The following SH3BGRL2 variants were observed in gnomAD, a reference collection of about 807,000 sequenced individuals.
SH3BGRL2 encodes the protein SH3 domain binding glutamate rich protein like 2.
Under a neutral mutation model 14.8 loss-of-function variants are expected in SH3BGRL2, and 21 were observed. The observed-to-expected ratio is 1.42, with a 90% CI of 1.01 to 2.05. SH3BGRL2 has a LOEUF of 2.05. Ranked by LOEUF, SH3BGRL2 falls within the 30% of genes most tolerant of loss-of-function variation. The pLI, the probability that SH3BGRL2 is intolerant of heterozygous loss-of-function variation, is 0.00. For missense variants in SH3BGRL2, 147 were observed against 130.8 expected (o/e 1.12, Z -0.61); for synonymous variants, 50 against 47.8 (o/e 1.05, Z -0.19).
the SH3BGRL2 span, among the ~76,000 whole-genome samples, chr6:79,583,822 C>T: frequency 1.4e-4 from 22 of 152,258 alleles, no homozygotes; most frequent in African/African-American, 5.1e-4. Context: ...ATTTTTATTA[C>T]TTTCTTTTTG....
intron 2 of SH3BGRL2, among the ~76,000 whole-genome samples, chr6:79,680,839 G>A (rs1224102466): frequency 6.6e-6 from 1 of 151,896 alleles, no homozygotes; most frequent in African/African-American, 2.4e-5. Context: ...AAATAAAATT[G>A]TTTTCTTAAT....
intron 1 of SH3BGRL2, among the ~76,000 whole-genome samples, chr6:79,646,823 G>A (rs2127725192): frequency 6.6e-6 from 1 of 152,166 alleles, no homozygotes; most frequent in African/African-American, 2.4e-5. Context: ...CTTTCACTTG[G>A]CATAATGTTT....
At chr6:79,680,265 G>A (rs1769963358) in intron 2 of SH3BGRL2, among the ~76,000 whole-genome samples, 1 of 152,120 alleles carries the variant, frequency 6.6e-6, no homozygotes, top group African/African-American at 2.4e-5. Context: ...TTTGTACCTA[G>A]TATAACATTA....
chr6:79,543,608 C>T, the SH3BGRL2 span, among the ~76,000 whole-genome samples: 1 of 152,150 alleles, frequency 6.6e-6, no homozygotes, highest in Admixed American at 6.5e-5. Context: ...TTTAATCCCC[C>T]ACCCACTTCC....
chr6:79,662,926 A>C (rs1463832613), intron 1 of SH3BGRL2, among the ~76,000 whole-genome samples: 1 of 151,956 alleles, frequency 6.6e-6, no homozygotes, highest in Non-Finnish European at 1.5e-5. Context: ...CCTTTCTTCC[A>C]CTTGATCAAA....
intron 1 of SH3BGRL2, among the ~76,000 whole-genome samples, chr6:79,655,243 G>A: frequency 6.6e-6 from 1 of 152,122 alleles, no homozygotes; most frequent in East Asian, 1.9e-4. Context: ...ATGGGCTGCT[G>A]ACTACCTTAT....
intron 1 of SH3BGRL2, among the ~76,000 whole-genome samples, chr6:79,673,010 G>T (rs560611346): frequency 6.6e-6 from 1 of 152,252 alleles, no homozygotes; most frequent in Non-Finnish European, 1.5e-5. Flanking sequence ...GAAGAAGGCT[G>T]CTGAGGGGAA....
chr6:79,701,008 G>A lies in SH3BGRL2; in HGVS notation c.*1499G>A, dbSNP rs1770444340. 1 of 152,138 alleles carries A rather than the reference G, an allele frequency of 6.6e-6. No individual in the cohort carries two copies. Among genetic ancestry groups the A allele is most frequent in the Non-Finnish European group, 1.5e-5 (1 of 68,032 alleles). 9.4% of individuals were successfully genotyped at this position (152,138 alleles called of 1,614,324 possible). A position where few individuals can be genotyped will look rare whatever the true frequency, so the allele number is the denominator to read the frequency against. ...ACATGTGCCCAGCACTCCGCCCCATGCCTTGCTAAATGTAGACTAAAGAAC... is the reference window on the plus strand; with the variant it reads ...ACATGTGCCCAGCACTCCGCCCCATACCTTGCTAAATGTAGACTAAAGAAC... On this transcript the variant is annotated 3_prime_UTR_variant, in exon 4 of 4. Coordinates refer to ENST00000369838, the MANE Select transcript of SH3BGRL2 (RefSeq NM_031469.4).
the SH3BGRL2 span, among the ~76,000 whole-genome samples, chr6:79,546,954 A>G: frequency 6.6e-6 from 1 of 152,178 alleles, no homozygotes; most frequent in African/African-American, 2.4e-5. Context: ...TGCTGGGACC[A>G]CAGGCGTGAG....
the SH3BGRL2 span, among the ~76,000 whole-genome samples, chr6:79,573,679 T>C: frequency 2.0e-5 from 3 of 152,236 alleles, no homozygotes; most frequent in Non-Finnish European, 2.9e-5. Flanking sequence ...TAAATTTTTC[T>C]TAAAGTCTGC....
intron 1 of SH3BGRL2, among the ~76,000 whole-genome samples, chr6:79,662,404 A>C (rs1320804524): frequency 6.6e-6 from 1 of 152,140 alleles, no homozygotes; most frequent in Non-Finnish European, 1.5e-5. Flanking sequence ...TTCACTTATG[A>C]AGCTTAGTTT....
chr6:79,620,512 G>A, the SH3BGRL2 span, among the ~76,000 whole-genome samples: 3 of 152,054 alleles, frequency 2.0e-5, no homozygotes, highest in Admixed American at 6.6e-5. Context: ...GTCCTCGGAG[G>A]ATAACTGTTT....
the SH3BGRL2 span, among the ~76,000 whole-genome samples, chr6:79,618,424 T>C: frequency 2.6e-5 from 4 of 152,204 alleles, no homozygotes; most frequent in African/African-American, 4.8e-5. Flanking sequence ...ATGGCCAGGT[T>C]GGGCCAGGCG....
intron 1 of SH3BGRL2, among the ~76,000 whole-genome samples, chr6:79,640,333 G>A (rs1289007794): frequency 1.3e-5 from 2 of 152,152 alleles, no homozygotes; most frequent in Non-Finnish European, 2.9e-5. Context: ...TTTTATATTT[G>A]ATTGGTTTAT....
At chr6:79,670,890 G>C (rs542783765) in intron 1 of SH3BGRL2, among the ~76,000 whole-genome samples, 2 of 152,330 alleles carry the variant, frequency 1.3e-5, no homozygotes, top group South Asian at 4.1e-4. Context: ...AAGGGCAAAA[G>C]CCTGCTTTGT....
intron 1 of SH3BGRL2, among the ~76,000 whole-genome samples, chr6:79,639,893 T>A (rs1402342247): frequency 6.6e-6 from 1 of 152,164 alleles, no homozygotes; most frequent in East Asian, 1.9e-4. Context: ...TTATCCGTGA[T>A]GCAAAAAAAG....
chr6:79,585,261 C>T, the SH3BGRL2 span, among the ~76,000 whole-genome samples: 1 of 151,956 alleles, frequency 6.6e-6, no homozygotes, highest in Non-Finnish European at 1.5e-5. Flanking sequence ...TCTTTCTTCT[C>T]CTTCCATTTT....
At chr6:79,569,626 A>G in the SH3BGRL2 span, among the ~76,000 whole-genome samples, 18,322 of 152,204 alleles carry the variant, frequency 0.12, 1,228 homozygotes, top group African/African-American at 0.14. Context: ...AGGCATGTCC[A>G]ACGTTCCCAT....
chr6:79,590,424 G>GATATAGAT, the SH3BGRL2 span, among the ~76,000 whole-genome samples: 1 of 66,684 alleles, frequency 1.5e-5, no homozygotes, highest in Admixed American at 1.5e-4. Flanking sequence ...AAGAAAATGT[G>GATATAGAT]ATATATATAT....
Sources: allele counts gnomAD v4.1 joint callset (sites outside exome capture counted in the v4.1 genomes callset), GRCh38; gene constraint gnomAD v4.1.1; transcripts MANE v1.5; gene names NCBI Gene and HGNC (gene_info 2026-07-23, HGNC 2026-07-21).